The following SDC3 variants were observed in gnomAD, a reference collection of about 807,000 sequenced individuals.
The protein encoded by SDC3 is syndecan-3.
In SDC3, 13 loss-of-function variants were observed where a neutral mutation model predicts 24.4. The observed-to-expected ratio is 0.53, with a 90% CI of 0.35 to 0.85. The LOEUF is 0.85. SDC3 is among the 40% of genes least tolerant of loss of function. SDC3 has a pLI of 0.01. For synonymous variants in SDC3, 295 were observed against 260.9 expected, an observed-to-expected ratio of 1.13 and a Z score of -1.26; for missense variants, 571 against 584.5, an observed-to-expected ratio of 0.98 and a Z score of 0.24.
chr1:30,888,671 C>T (rs1275294338), intron 1 of SDC3, among the ~76,000 whole-genome samples: 2 of 152,208 alleles, frequency 1.3e-5, no homozygotes, highest in Admixed American at 6.5e-5. Flanking sequence ...TCCCCGCACC[C>T]TCCTGTTTGC....
chr1:30,888,644 A>C (rs1371658217), intron 1 of SDC3, among the ~76,000 whole-genome samples: 1 of 152,130 alleles, frequency 6.6e-6, no homozygotes, highest in African/African-American at 2.4e-5. Flanking sequence ...TCTCCTCCTG[A>C]GGAGGCGGGC....
chr1:30,882,856 G>A (rs942990617), intron 1 of SDC3, among the ~76,000 whole-genome samples: 4 of 152,134 alleles, frequency 2.6e-5, no homozygotes, highest in Non-Finnish European at 5.9e-5. Context: ...TGGCTGTCAG[G>A]CAAGCCATTT....
chr1:30,878,463 C>T (rs952922112), intron 2 of SDC3, 160 bp downstream of exon 2: 3 of 613,662 alleles, frequency 4.9e-6, no homozygotes, highest in East Asian at 2.7e-5. Flanking sequence ...GATGTTCTGC[C>T]CTTCTTGTTC....
At chr1:30,891,681 C>A (rs942378784) in intron 1 of SDC3, among the ~76,000 whole-genome samples, 6 of 151,754 alleles carry the variant, frequency 4.0e-5, no homozygotes, top group Non-Finnish European at 8.8e-5. Context: ...TTCGAGACCC[C>A]GTCTCTACTA....
At chr1:30,898,189 C>T (rs1433916558) in intron 1 of SDC3, among the ~76,000 whole-genome samples, 3 of 152,162 alleles carry the variant, frequency 2.0e-5, no homozygotes, top group Non-Finnish European at 4.4e-5. Flanking sequence ...GACCCCTCGC[C>T]GCCAAGGGAG....
At chr1:30,886,777 G>A (rs938328379) in intron 1 of SDC3, among the ~76,000 whole-genome samples, 21 of 152,140 alleles carry the variant, frequency 1.4e-4, no homozygotes, top group Non-Finnish European at 1.5e-4. Flanking sequence ...TCACAGCCCC[G>A]ACGGAGGGAG....
At chr1:30,895,310 T>C (rs1198156270) in intron 1 of SDC3, among the ~76,000 whole-genome samples, 1 of 152,174 alleles carries the variant, frequency 6.6e-6, no homozygotes, top group Non-Finnish European at 1.5e-5. Flanking sequence ...GAAAAAGGAT[T>C]ACCTGGCCTC....
At position 30,892,554 on chromosome 1, in the gene SDC3, C is replaced by T. The variant is rs114477830; in HGVS notation, c.139-13814G>A. ...GGAACTGGGCTAGAAAAGATGGACTCAAAGTTGGACTTCAGGCAAGTGGCT... is the reference window on the plus strand; with the variant it reads ...GGAACTGGGCTAGAAAAGATGGACTTAAAGTTGGACTTCAGGCAAGTGGCT... On this transcript the variant is annotated intron_variant, in intron 1 of 4. Transcript: ENST00000339394. Among the ~76,000 whole-genome samples, 411 of 152,298 alleles carry T rather than the reference C, an allele frequency of 2.7e-3. 2 individuals carry two copies. Among genetic ancestry groups the T allele is most frequent in the African/African-American group, 9.5e-3 (394 of 41,552 alleles).
rs1638509429 is a variant in SDC3, at chr1:30,905,899, C to T, written c.138+2550G>A. Among the ~76,000 whole-genome samples, 17 of 149,452 alleles carry T rather than the reference C, an allele frequency of 1.1e-4. 1 individual carries two copies. ...ACACACACACACACACACTGCAATT[C>T]ACCATCTGCAGTGTGAATGAGGCCT... is the stretch of plus-strand genomic sequence containing the variant. On this transcript the variant is annotated intron_variant, in intron 1 of 4. Coordinates refer to ENST00000339394, the MANE Select transcript of SDC3 (RefSeq NM_014654.4).
intron 1 of SDC3, among the ~76,000 whole-genome samples, chr1:30,884,014 G>C (rs1351067518): frequency 6.6e-6 from 1 of 152,128 alleles, no homozygotes; most frequent in Non-Finnish European, 1.5e-5. Context: ...CTGGGGCCAA[G>C]CTCCGGGCAG....
intron 1 of SDC3, among the ~76,000 whole-genome samples, chr1:30,889,478 T>C (rs529045133): frequency 6.6e-6 from 1 of 152,326 alleles, no homozygotes; most frequent in East Asian, 1.9e-4. Flanking sequence ...GATCCTCTCC[T>C]TGATGCTCCC....
At chr1:30,905,143 T>C (rs575128341) in intron 1 of SDC3, among the ~76,000 whole-genome samples, 1 of 152,022 alleles carries the variant, frequency 6.6e-6, no homozygotes, top group East Asian at 1.9e-4. Context: ...CAACTTTCCA[T>C]TTTTTTGGTG....
At chr1:30,895,841 C>T (rs1002333303) in intron 1 of SDC3, among the ~76,000 whole-genome samples, 3 of 113,206 alleles carry the variant, frequency 2.7e-5, no homozygotes, top group African/African-American at 1.0e-4. Flanking sequence ...GGGGAGGAAG[C>T]GAGTAAGAGG....
chr1:30,874,519 T>C lies in SDC3; in HGVS notation c.940A>G (p.Ser314Gly). 1 of 1,614,144 alleles carries C rather than the reference T, an allele frequency of 6.2e-7. No individual in the cohort carries two copies. The highest frequency in any genetic ancestry group is 8.5e-7 in the Non-Finnish European group (1 of 1,180,018). The change falls in exon 4 of 5, where the codon AGT becomes GGT. Residue 314 changes from serine to glycine, a missense_variant. By Grantham distance (56) the Ser-to-Gly change is moderately conservative. Coordinates refer to ENST00000339394, the MANE Select transcript of SDC3 (RefSeq NM_014654.4). ...TCTTCTGGCAGCTCGAAGTCTCCAC[T>C]GGGCCCCCCACTCACCGGAACCTCT... is the stretch of plus-strand genomic sequence containing the variant. ...EPEVPVSGGP[S>G]GDFELPEEET...
rs894360403 is a variant in SDC3, at chr1:30,870,634, T to A, written c.*2577A>T. 1.3e-5 allele frequency: 2 copies of A among 152,214 alleles called. No individual in the cohort carries two copies. The highest frequency in any genetic ancestry group is 4.8e-5 in the African/African-American group (2 of 41,428). The allele number at this position is 152,214 out of a possible 1,614,324, so 9.4% of individuals were successfully genotyped here. ...CATCTGCCTTGGGTCCAGGGATCCATGAACAAGGCCCCTGGCCTCTTCTCT... is the reference window on the plus strand; with the variant it reads ...CATCTGCCTTGGGTCCAGGGATCCAAGAACAAGGCCCCTGGCCTCTTCTCT... On this transcript the variant is annotated 3_prime_UTR_variant, in exon 5 of 5. Transcript: ENST00000339394.
chr1:30,881,578 G>A (rs541882856), intron 1 of SDC3: 1 of 152,432 alleles, frequency 6.6e-6, no homozygotes, highest in African/African-American at 2.4e-5. Flanking sequence ...GATCTCGGGA[G>A]GGGACACCCA....
At position 30,876,829 on chromosome 1, in the gene SDC3, G is replaced by T. The variant is rs750982324; in HGVS notation, c.593C>A (p.Ala198Asp). 6.2e-7 allele frequency: 1 copy of T among 1,611,626 alleles called. No homozygotes were observed. The highest frequency in any genetic ancestry group is 8.5e-7 in the Non-Finnish European group (1 of 1,178,860). Residue 198 changes from alanine to aspartate, a missense_variant, in exon 3 of 5, where the codon GCC (alanine) becomes GAC (aspartate). Coordinates refer to ENST00000339394, the MANE Select transcript of SDC3 (RefSeq NM_014654.4). Reference protein sequence around the residue: ...PSTPAAPPFTATTAVIRTTGV... With the variant: ...PSTPAAPPFTDTTAVIRTTGV... ...AGTGGTCCTTATAACAGCAGTGGTG[G>T]CCGTAAAAGGGGGTGCTGCAGGGGT...
At position 30,876,937 on chromosome 1, in the gene SDC3, G is replaced by A; in HGVS notation, c.485C>T (p.Thr162Ile). The A allele has an allele frequency of 6.2e-7, 1 of 1,613,924 alleles. No individual in the cohort carries two copies. Among genetic ancestry groups the A allele is most frequent in the Non-Finnish European group, 8.5e-7 (1 of 1,179,988 alleles). ...GCTTGTGGCAGCAGTGGTAGCCATG[G>A]TAGTGGAGACGGTGGTGGCTCTCTG... ...PSQRATTVSTTMATTAATSTG... is the reference protein window; with the variant it reads ...PSQRATTVSTIMATTAATSTG... Residue 162 changes from threonine to isoleucine, a missense_variant, in exon 3 of 5, where the codon ACC becomes ATC. Thr to Ile is a moderately conservative substitution (Grantham distance 89). This residue lies in a region of SDC3 where 497 missense variants were observed against 471.6 expected (regional missense o/e 1.05). Coordinates refer to ENST00000339394, the MANE Select transcript of SDC3 (RefSeq NM_014654.4).
At position 30,869,551 on chromosome 1, in the gene SDC3, A is replaced by AAC. The variant is rs1557509231; in HGVS notation, c.*3659_*3660insGT. 16 of 392,518 alleles carry AAC rather than the reference A, an allele frequency of 4.1e-5. No homozygotes were observed. The highest frequency in any genetic ancestry group is 2.9e-4 in the East Asian group (8 of 27,908). The allele number at this position is 392,518 out of a possible 1,614,324, so 24.3% of individuals were successfully genotyped here. A position where few individuals can be genotyped will look rare whatever the true frequency, so the allele number is the denominator to read the frequency against. On this transcript the variant is annotated 3_prime_UTR_variant, in exon 5 of 5. Coordinates refer to ENST00000339394, the MANE Select transcript of SDC3 (RefSeq NM_014654.4). ...AACAAACAAACAAAAAAAAAAAAAAAAAAAAAAAAACAAAAACAAAACCAG... is the reference window on the plus strand; with the variant it reads ...AACAAACAAACAAAAAAAAAAAAAAAACAAAAAAAAAACAAAAACAAAACCAG...
Sources: gnomAD v4.1 joint callset for allele counts (sites outside exome capture counted in the v4.1 genomes callset) on GRCh38, gnomAD v4.1.1 for gene constraint, gnomAD v4.1.1 regional missense constraint, MANE v1.5 for transcripts, NCBI Gene and HGNC (gene_info 2026-07-23, HGNC 2026-07-21) for gene names.